Variants in ATE1 observed in about 807,000 individuals in gnomAD.
The protein encoded by ATE1 is arginyl-tRNA--protein transferase 1.
ATE1 carries 36 observed loss-of-function variants against 70.5 expected under a neutral mutation model. That is an observed-to-expected ratio of 0.51 (90% CI 0.39 to 0.67). ATE1 has a LOEUF of 0.67. Among genes scored for constraint, ATE1 ranks in the 30% least tolerant of loss-of-function variants. The pLI, the probability that ATE1 is intolerant of heterozygous loss-of-function variation, is 0.00. For synonymous variants in ATE1, 232 were observed against 219.3 expected (o/e 1.06, Z -0.51); for missense variants, 593 against 629.5 (o/e 0.94, Z 0.62).
intron 7 of ATE1, among the ~76,000 whole-genome samples, chr10:121,884,753 G>T (rs1025296823): frequency 6.6e-6 from 1 of 152,154 alleles, no homozygotes; most frequent in African/African-American, 2.4e-5. Context: ...AATAGTAAAT[G>T]ACTGAAAAGC....
intron 7 of ATE1, among the ~76,000 whole-genome samples, chr10:121,889,278 A>G (rs191713191): frequency 1.1e-4 from 17 of 152,320 alleles, no homozygotes; most frequent in African/African-American, 3.8e-4. Context: ...ACCTAAAAAC[A>G]TTAAACTTTT....
intron 10 of ATE1, among the ~76,000 whole-genome samples, chr10:121,801,637 T>C (rs1364423534): frequency 6.6e-6 from 1 of 152,174 alleles, no homozygotes; most frequent in Non-Finnish European, 1.5e-5. Context: ...TATGTGTCTA[T>C]ATATAAATTT....
chr10:121,817,419 G>C (rs1564863224), intron 10 of ATE1, among the ~76,000 whole-genome samples: 1 of 152,054 alleles, frequency 6.6e-6, no homozygotes. Context: ...GGCGCCTGTA[G>C]TCCCAGCTAC....
upstream of ATE1, chr10:121,928,080 G>A (rs1346490695): frequency 3.3e-6 from 4 of 1,206,504 alleles, no homozygotes; most frequent in African/African-American, 1.6e-5. Context: ...GCGCCCGCAG[G>A]CCCGGCCGGC....
intron 11 of ATE1, among the ~76,000 whole-genome samples, chr10:121,784,898 AT>A (rs2133221376): frequency 6.6e-6 from 1 of 152,304 alleles, no homozygotes; most frequent in Non-Finnish European, 1.5e-5. Context: ...ATAGAGTGAT[AT>A]TTTTAAGAGG....
intron 11 of ATE1, among the ~76,000 whole-genome samples, chr10:121,761,599 T>C (rs1379883963): frequency 1.3e-5 from 2 of 152,074 alleles, no homozygotes; most frequent in South Asian, 2.1e-4. Context: ...GCAGAACACA[T>C]AATATCTCTA....
Position 121,920,117 on chromosome 10 carries a change from G to A in ATE1, c.233+2232C>T, listed in dbSNP as rs553546721. ...AAGTAAAACTGTCTTTTAATTTTAT[G>A]AGTATATATACACATTGAAATTGGG... is the stretch of plus-strand genomic sequence containing the variant. On this transcript the variant is annotated intron_variant, in intron 3 of 11. Transcript: ENST00000224652. Among the ~76,000 whole-genome samples, 216 of 152,042 alleles carry A rather than the reference G, an allele frequency of 1.4e-3. 1 individual carries two copies. Among genetic ancestry groups the A allele is most frequent in the African/African-American group, 5.0e-3 (206 of 41,448 alleles).
At chr10:121,908,291 G>A (rs1951281549) in intron 5 of ATE1, among the ~76,000 whole-genome samples, 1 of 152,182 alleles carries the variant, frequency 6.6e-6, no homozygotes, top group Non-Finnish European at 1.5e-5. Flanking sequence ...ATCACCTGAG[G>A]TCAGGAGTTC....
At chr10:121,761,902 G>C (rs753578371) in intron 11 of ATE1, among the ~76,000 whole-genome samples, 2 of 152,108 alleles carry the variant, frequency 1.3e-5, no homozygotes, top group Non-Finnish European at 2.9e-5. Context: ...CAAACTCTCT[G>C]TGATCCCCTA....
At chr10:121,774,463 T>C (rs1464037014) in intron 11 of ATE1, among the ~76,000 whole-genome samples, 1 of 152,222 alleles carries the variant, frequency 6.6e-6, no homozygotes, top group East Asian at 1.9e-4. Context: ...AGAAATTATA[T>C]GTCATTACTT....
chr10:121,874,983 A>G (rs996621380), intron 7 of ATE1, among the ~76,000 whole-genome samples: 1 of 19,366 alleles, frequency 5.2e-5, no homozygotes, highest in Non-Finnish European at 9.9e-5. Context: ...TACTAAAAGA[A>G]AAAAAAAAAA....
At chr10:121,847,765 A>G (rs1948890105) in intron 8 of ATE1, among the ~76,000 whole-genome samples, 1 of 150,382 alleles carries the variant, frequency 6.6e-6, no homozygotes, top group South Asian at 2.1e-4. Flanking sequence ...TCAAAAAAAA[A>G]AAAAAAAAAA....
chr10:121,752,353 C>T (rs941497243), intron 11 of ATE1, among the ~76,000 whole-genome samples: 1 of 150,950 alleles, frequency 6.6e-6, no homozygotes, highest in African/African-American at 2.4e-5. Flanking sequence ...GCCTCAGCCT[C>T]CCGAGTAGCT....
At chr10:121,804,719 C>A (rs1235089878) in intron 10 of ATE1, among the ~76,000 whole-genome samples, 3 of 148,410 alleles carry the variant, frequency 2.0e-5, no homozygotes, top group African/African-American at 5.0e-5. Context: ...CACATTCTAG[C>A]AACTTTTTTT....
At chr10:121,753,203 A>C (rs1041715875) in intron 11 of ATE1, among the ~76,000 whole-genome samples, 1 of 152,196 alleles carries the variant, frequency 6.6e-6, no homozygotes, top group African/African-American at 2.4e-5. Context: ...TTTATTTGAT[A>C]GTTCTTTACA....
intron 10 of ATE1, among the ~76,000 whole-genome samples, chr10:121,803,901 A>G (rs1946993051): frequency 6.6e-6 from 1 of 152,176 alleles, no homozygotes; most frequent in Non-Finnish European, 1.5e-5. Context: ...ATTCATCACA[A>G]ATGACTTAAA....
At chr10:121,821,734 A>G (rs1294915620) in intron 10 of ATE1, among the ~76,000 whole-genome samples, 1 of 152,182 alleles carries the variant, frequency 6.6e-6, no homozygotes, top group East Asian at 1.9e-4. Context: ...TACAAAAATT[A>G]GCTGGGCGTG....
chr10:121,879,340 T>C (rs1276522175), intron 7 of ATE1, among the ~76,000 whole-genome samples: 2 of 152,216 alleles, frequency 1.3e-5, no homozygotes, highest in Non-Finnish European at 2.9e-5. Flanking sequence ...GATATCCTTA[T>C]CTATTCTTAC....
At chr10:121,858,700 TTAATA>T (rs1280723285) in intron 8 of ATE1, among the ~76,000 whole-genome samples, 2 of 146,846 alleles carry the variant, frequency 1.4e-5, no homozygotes, top group African/African-American at 4.9e-5. Context: ...TTATATTTTT[TTAATA>T]TATTATATAT....
Sources: allele counts gnomAD v4.1 joint callset (sites outside exome capture counted in the v4.1 genomes callset), GRCh38; gene constraint gnomAD v4.1.1; transcripts MANE v1.5; gene names NCBI Gene and HGNC (gene_info 2026-07-23, HGNC 2026-07-21).